Variants in SFMBT2 observed in about 807,000 individuals in gnomAD.
SFMBT2 encodes scm-like with four MBT domains protein 2.
Under a neutral mutation model 110.1 loss-of-function variants are expected in SFMBT2, and 38 were observed. The ratio of observed to expected loss-of-function variants is 0.35; its 90% CI spans 0.27 to 0.45. The LOEUF (loss-of-function observed/expected upper bound fraction) is 0.45. Among genes scored for constraint, SFMBT2 ranks in the 20% least tolerant of loss-of-function variants. The probability of loss-of-function intolerance (pLI) is 1.00; values close to 1 mark genes in which losing one functional copy is unlikely to be tolerated. For synonymous variants in SFMBT2, 425 were observed against 425.4 expected, an observed-to-expected ratio of 1.00 and a Z score of 0.01; for missense variants, 1,011 against 1,094.9, an observed-to-expected ratio of 0.92 and a Z score of 1.08.
chr10:7,286,385 T>C, intron 4 of SFMBT2: 1 of 977,620 alleles, frequency 1.0e-6, no homozygotes, highest in Non-Finnish European at 1.2e-6. Flanking sequence ...AAGAAGGAAT[T>C]TGCAGAGAAA....
At chr10:7,228,800 CTCTT>C (rs1338561847) in intron 9 of SFMBT2, among the ~76,000 whole-genome samples, 3 of 142,556 alleles carry the variant, frequency 2.1e-5, no homozygotes, top group East Asian at 2.0e-4. Flanking sequence ...CTCTCTCTCT[CTCTT>C]TCTTTGTATT....
At chr10:7,320,072 TAGAGACAGAGAGAGAC>T (rs1050076506) in intron 4 of SFMBT2, among the ~76,000 whole-genome samples, 5 of 115,752 alleles carry the variant, frequency 4.3e-5, no homozygotes, top group Non-Finnish European at 7.5e-5. Flanking sequence ...GAGAGAGACA[TAGAGACAGAGAGAGAC>T]AGAGACAGAG....
rs188936249 is a variant in SFMBT2, at chr10:7,210,919, G to T, written c.1331-4991C>A. Among the ~76,000 whole-genome samples, 663 of 152,174 alleles carry T rather than the reference G, an allele frequency of 4.4e-3. 11 individuals carry two copies. The highest frequency in any genetic ancestry group is 1.4e-3 in the Non-Finnish European group (93 of 68,012). On this transcript the variant is annotated intron_variant, in intron 11 of 20. Transcript: ENST00000397167. ...ACAGAAATGGGATTAGACGAGTATG[G>T]GGGGGGTGTGGGGAGGGGAGAGAGG...
At chr10:7,381,383 C>G (rs1327153268) in intron 2 of SFMBT2, among the ~76,000 whole-genome samples, 1 of 152,178 alleles carries the variant, frequency 6.6e-6, no homozygotes, top group East Asian at 1.9e-4. Context: ...AAACATGCAA[C>G]TAACTTCCTG....
intron 12 of SFMBT2, chr10:7,204,265 AGCCCTGAAACTCTGTCGC>A: frequency 1.2e-6 from 1 of 810,020 alleles, no homozygotes; most frequent in Non-Finnish European, 1.5e-6. Flanking sequence ...TAACTAGAGG[AGCCCTGAAACTCTGTCGC>A]CATCAGGGAA....
chr10:7,262,788 G>A (rs1393027206), intron 7 of SFMBT2, among the ~76,000 whole-genome samples: 1 of 152,094 alleles, frequency 6.6e-6, no homozygotes, highest in African/African-American at 2.4e-5. Context: ...CCTCTTTAGT[G>A]TGTCTCTTAT....
At chr10:7,379,391 T>A (rs759294814) in intron 2 of SFMBT2, among the ~76,000 whole-genome samples, 1 of 151,782 alleles carries the variant, frequency 6.6e-6, no homozygotes, top group Non-Finnish European at 1.5e-5. Context: ...ACTTGTAGAA[T>A]CATACTTAAT....
At chr10:7,369,025 T>G (rs1327408493) in intron 3 of SFMBT2, among the ~76,000 whole-genome samples, 9 of 152,214 alleles carry the variant, frequency 5.9e-5, no homozygotes, top group Non-Finnish European at 1.2e-4. Context: ...GAATAAAATG[T>G]TGTATTAAAA....
intron 4 of SFMBT2, among the ~76,000 whole-genome samples, chr10:7,349,435 C>CTTTTTTTT (rs1844231952): frequency 4.0e-5 from 1 of 24,874 alleles, no homozygotes; most frequent in Non-Finnish European, 8.6e-5. Context: ...TTTTTCTTTT[C>CTTTTTTTT]TTTTCTTTTT....
chr10:7,371,168 G>A (rs1284183100), intron 2 of SFMBT2, among the ~76,000 whole-genome samples: 2 of 152,128 alleles, frequency 1.3e-5, no homozygotes, highest in African/African-American at 4.8e-5. Context: ...CTGTCACCCA[G>A]GCTGGAGTGC....
intron 4 of SFMBT2, among the ~76,000 whole-genome samples, chr10:7,311,138 A>AAC (rs1164212630): frequency 6.6e-6 from 1 of 152,022 alleles, no homozygotes; most frequent in Non-Finnish European, 1.5e-5. Context: ...TCCCCTAAAA[A>AAC]AAAAACAAAC....
chr10:7,390,841 G>A lies in SFMBT2; in HGVS notation c.-51-8892C>T, dbSNP rs542166646. The stretch of plus-strand genomic sequence containing the variant: ...AAGGCCTGGTGCGTTGGCTCATGCC[G>A]GTAATCCCAGCACTTTGGGAAGCTG... On this transcript the variant is annotated intron_variant, in intron 1 of 20. Transcript: ENST00000397167. Among the ~76,000 whole-genome samples the A allele has an allele frequency of 7.4e-4, 112 of 152,242 alleles. 1 individual carries two copies. Among genetic ancestry groups the A allele is most frequent in the African/African-American group, 2.6e-3 (106 of 41,546 alleles).
intron 2 of SFMBT2, among the ~76,000 whole-genome samples, chr10:7,374,674 C>G (rs960382907): frequency 7.9e-5 from 12 of 152,170 alleles, no homozygotes; most frequent in Non-Finnish European, 1.5e-4. Flanking sequence ...AGCTCTGTCC[C>G]TCTCTGCTGG....
intron 1 of SFMBT2, among the ~76,000 whole-genome samples, chr10:7,389,087 G>A (rs545249725): frequency 3.3e-5 from 5 of 152,348 alleles, no homozygotes; most frequent in Admixed American, 6.5e-5. Context: ...CACAGTCACA[G>A]TTCCTAGAAT....
intron 15 of SFMBT2, among the ~76,000 whole-genome samples, chr10:7,190,052 A>G (rs1373998103): frequency 1.3e-5 from 2 of 152,164 alleles, no homozygotes; most frequent in African/African-American, 4.8e-5. Context: ...AATACTTTAC[A>G]CTACGCGGTC....
intron 4 of SFMBT2, chr10:7,329,593 T>C (rs1843504544): frequency 2.7e-6 from 2 of 750,184 alleles, no homozygotes; most frequent in Non-Finnish European, 3.2e-6. Flanking sequence ...TTGCTGATGC[T>C]CACAGATTCC....
chr10:7,337,826 A>T (rs1843763821), intron 4 of SFMBT2, among the ~76,000 whole-genome samples: 1 of 152,194 alleles, frequency 6.6e-6, no homozygotes, highest in African/African-American at 2.4e-5. Flanking sequence ...CGAAAATGGC[A>T]GATTCAGTCT....
At chr10:7,241,401 T>G in intron 9 of SFMBT2, 2 of 873,888 alleles carry the variant, frequency 2.3e-6, no homozygotes, top group Non-Finnish European at 2.7e-6. Flanking sequence ...ATATTCTACT[T>G]GATGTGTAGT....
chr10:7,283,858 A>G (rs1426831284), intron 6 of SFMBT2, 46 bp downstream of exon 6: 4 of 1,297,298 alleles, frequency 3.1e-6, no homozygotes, highest in Non-Finnish European at 4.4e-6. Context: ...AAAATATCAC[A>G]TCTTTTTCTA....
Sources: gnomAD v4.1 joint callset for allele counts (sites outside exome capture counted in the v4.1 genomes callset) on GRCh38, gnomAD v4.1.1 for gene constraint, MANE v1.5 for transcripts, NCBI Gene and HGNC (gene_info 2026-07-23, HGNC 2026-07-21) for gene names.